The following SLC14A2 variants were observed in gnomAD, a reference collection of about 807,000 sequenced individuals.
SLC14A2 encodes the protein urea transporter 2.
SLC14A2 carries 91 observed loss-of-function variants against 104.6 expected under a neutral mutation model. The ratio of observed to expected loss-of-function variants is 0.87; its 90% CI spans 0.73 to 1.04. SLC14A2 has a LOEUF of 1.04. SLC14A2 is among the 50% of genes least tolerant of loss of function. The pLI is 0.00. For synonymous variants in SLC14A2, 476 were observed against 466.4 expected, an observed-to-expected ratio of 1.02 and a Z score of -0.27; for missense variants, 1,189 against 1,156.0, an observed-to-expected ratio of 1.03 and a Z score of -0.41.
intron 1 of SLC14A2, among the ~76,000 whole-genome samples, chr18:45,250,701 C>T (rs1472323586): frequency 6.8e-6 from 1 of 147,886 alleles, no homozygotes; most frequent in Non-Finnish European, 1.5e-5. Flanking sequence ...GTCAAAAGGG[C>T]TGAATGTTCC....
At chr18:45,279,903 T>G (rs2084744121) in intron 1 of SLC14A2, among the ~76,000 whole-genome samples, 1 of 152,158 alleles carries the variant, frequency 6.6e-6, no homozygotes, top group African/African-American at 2.4e-5. Flanking sequence ...AGTTCTTTGA[T>G]GTGGTGGTTG....
At chr18:45,620,958 T>C (rs2045156713) in intron 1 of SLC14A2, among the ~76,000 whole-genome samples, 1 of 152,214 alleles carries the variant, frequency 6.6e-6, no homozygotes, top group African/African-American at 2.4e-5. Context: ...CATTACCACT[T>C]TTCAGCTAGA....
chr18:45,234,815 A>G (rs543708627), intron 1 of SLC14A2, among the ~76,000 whole-genome samples: 1 of 152,254 alleles, frequency 6.6e-6, no homozygotes, highest in Non-Finnish European at 1.5e-5. Flanking sequence ...TTTATATAGC[A>G]GCATTTTGTT....
the SLC14A2 span, among the ~76,000 whole-genome samples, chr18:45,178,560 G>A: frequency 3.3e-5 from 5 of 152,246 alleles, no homozygotes; most frequent in East Asian, 7.7e-4. Flanking sequence ...AGAATTATAG[G>A]CATTCCTGAG....
At chr18:45,277,168 A>G (rs2084711296) in intron 1 of SLC14A2, among the ~76,000 whole-genome samples, 1 of 152,238 alleles carries the variant, frequency 6.6e-6, no homozygotes, top group South Asian at 2.1e-4. Context: ...TAACCTACAT[A>G]TAGCATCTTA....
intron 4 of SLC14A2, among the ~76,000 whole-genome samples, chr18:45,630,787 C>A (rs1421935296): frequency 2.0e-5 from 3 of 152,204 alleles, no homozygotes. Flanking sequence ...TCCATCCCAC[C>A]CACTGCCTGT....
At chr18:45,304,382 G>C (rs980875938) in intron 1 of SLC14A2, among the ~76,000 whole-genome samples, 1 of 152,180 alleles carries the variant, frequency 6.6e-6, no homozygotes, top group African/African-American at 2.4e-5. Context: ...TCATGGACAA[G>C]GATTCTGCTT....
At chr18:45,399,880 C>T (rs1408699978) in intron 1 of SLC14A2, among the ~76,000 whole-genome samples, 1 of 152,030 alleles carries the variant, frequency 6.6e-6, no homozygotes, top group Non-Finnish European at 1.5e-5. Flanking sequence ...CCCCCTCTTC[C>T]TTCTTTTCTT....
intron 1 of SLC14A2, among the ~76,000 whole-genome samples, chr18:45,429,626 T>C (rs978538032): frequency 6.6e-6 from 1 of 152,168 alleles, no homozygotes; most frequent in African/African-American, 2.4e-5. Flanking sequence ...AGTCTTACAA[T>C]AGCATAAATC....
intron 1 of SLC14A2, among the ~76,000 whole-genome samples, chr18:45,309,634 C>T (rs765823169): frequency 1.6e-4 from 25 of 152,082 alleles, no homozygotes; most frequent in Non-Finnish European, 2.5e-4. Context: ...TCATGGTATA[C>T]GACTTTGTGA....
chr18:45,237,065 C>A (rs1311463291), intron 1 of SLC14A2, among the ~76,000 whole-genome samples: 1 of 152,076 alleles, frequency 6.6e-6, no homozygotes, highest in Admixed American at 6.5e-5. Flanking sequence ...TAGCCAACAG[C>A]AGAATGGAGA....
chr18:45,212,166 C>T (rs528761637), upstream of SLC14A2, among the ~76,000 whole-genome samples: 65 of 152,096 alleles, frequency 4.3e-4, no homozygotes, highest in African/African-American at 1.4e-3. Context: ...ATTTGTAGTC[C>T]AACATAGATC....
At chr18:45,632,229 T>C in intron 4 of SLC14A2, 121 bp from the exon 5 acceptor site, 3 of 1,355,260 alleles carry the variant, frequency 2.2e-6, no homozygotes, top group Non-Finnish European at 3.0e-6. Context: ...CGAACTGACT[T>C]TTTTCTAAGC....
At chr18:45,424,570 A>G (rs536842817) in intron 1 of SLC14A2, among the ~76,000 whole-genome samples, 1 of 152,270 alleles carries the variant, frequency 6.6e-6, no homozygotes. Context: ...GTGCACAGGC[A>G]TGAGTAGGTG....
At chr18:45,319,302 C>T (rs1420143581) in intron 1 of SLC14A2, among the ~76,000 whole-genome samples, 1 of 152,220 alleles carries the variant, frequency 6.6e-6, no homozygotes. Context: ...TCTGCCTTTC[C>T]CTCCAGAAAG....
intron 2 of SLC14A2, among the ~76,000 whole-genome samples, chr18:45,604,802 T>C (rs901641212): frequency 1.3e-5 from 2 of 152,212 alleles, no homozygotes; most frequent in African/African-American, 2.4e-5. Context: ...TTGTTTAAAG[T>C]AGACTTCACA....
At chr18:45,458,609 A>G (rs2086987070) in intron 1 of SLC14A2, among the ~76,000 whole-genome samples, 1 of 152,218 alleles carries the variant, frequency 6.6e-6, no homozygotes, top group African/African-American at 2.4e-5. Context: ...CCCATCAGCC[A>G]TTTCTACTTC....
rs373738315 is a variant in SLC14A2, at chr18:45,620,688, C to T, written c.-34-3943C>T. On this transcript the variant is annotated intron_variant, in intron 1 of 19. Coordinates refer to ENST00000255226, the MANE Select transcript of SLC14A2 (RefSeq NM_007163.4). The stretch of plus-strand genomic sequence containing the variant: ...AAATATAAAAATCTTTAAATTCTTA[C>T]GGTTAGGAAATAATTTCTGAGTATA... 1.1e-3 allele frequency among the ~76,000 whole-genome samples: 168 copies of T among 152,120 alleles called. 2 individuals are homozygous for T. Among genetic ancestry groups the T allele is most frequent in the African/African-American group, 3.3e-3 (138 of 41,500 alleles).
chr18:45,301,936 C>A (rs1476618115), intron 1 of SLC14A2, among the ~76,000 whole-genome samples: 3 of 152,206 alleles, frequency 2.0e-5, no homozygotes, highest in African/African-American at 7.2e-5. Context: ...TCAGACCCTT[C>A]TCTGAAATTC....
Sources: gnomAD v4.1 joint callset for allele counts (sites outside exome capture counted in the v4.1 genomes callset) on GRCh38, gnomAD v4.1.1 for gene constraint, MANE v1.5 for transcripts, NCBI Gene and HGNC (gene_info 2026-07-23, HGNC 2026-07-21) for gene names.